The following PARD6G variants were observed in gnomAD, a reference collection of about 807,000 sequenced individuals.
The protein encoded by PARD6G is par-6 family cell polarity regulator gamma, also known as partitioning defective 6 homolog gamma.
PARD6G carries 7 observed loss-of-function variants against 10.7 expected under a neutral mutation model. The observed-to-expected ratio is 0.66, with a 90% CI of 0.37 to 1.23. The LOEUF is 1.23. PARD6G is among the 50% of genes most tolerant of loss of function. The pLI is 0.02. For synonymous variants in PARD6G, 287 were observed against 269.4 expected (o/e 1.07, Z -0.64); for missense variants, 548 against 571.8 (o/e 0.96, Z 0.42).
rs903503269 is a variant in PARD6G at position 80,180,341 on chromosome 18, G to T, written c.296-19735C>A. ...GGGCAGCGACAGCTGGGGCCGGCAGGTGAGGACACGCAGCTGGGAGGGGCG... is the reference window on the plus strand; with the variant it reads ...GGGCAGCGACAGCTGGGGCCGGCAGTTGAGGACACGCAGCTGGGAGGGGCG... On this transcript the variant is annotated intron_variant, in intron 2 of 2. Transcript: ENST00000353265. The surrounding 1 kb of genome is among the most constrained non-coding windows in gnomAD (Gnocchi z 5.6). 2.6e-5 allele frequency among the ~76,000 whole-genome samples: 4 copies of T among 152,314 alleles called. No homozygotes were observed. The highest frequency in any genetic ancestry group is 2.6e-4 in the Admixed American group (4 of 15,304).
chr18:80,199,946 AG>A (rs1206968099), intron 2 of PARD6G, among the ~76,000 whole-genome samples: 2 of 152,220 alleles, frequency 1.3e-5, no homozygotes, highest in Non-Finnish European at 2.9e-5. Flanking sequence ...TGCCTGGCTG[AG>A]CAACAGATTA....
chr18:80,173,557 G>A (rs1224927505), intron 2 of PARD6G, among the ~76,000 whole-genome samples: 3 of 152,088 alleles, frequency 2.0e-5, no homozygotes, highest in East Asian at 1.9e-4. Context: ...CCCAGGAGGC[G>A]GAGGTTGCAG....
intron 1 of PARD6G, among the ~76,000 whole-genome samples, chr18:80,207,561 CA>C: frequency 6.6e-6 from 1 of 152,300 alleles, no homozygotes; most frequent in South Asian, 2.1e-4. Context: ...GTTAATAACT[CA>C]ATCTAGAAAT....
intron 1 of PARD6G, among the ~76,000 whole-genome samples, chr18:80,213,065 T>C (rs947864078): frequency 6.6e-6 from 1 of 152,172 alleles, no homozygotes; most frequent in Non-Finnish European, 1.5e-5. Flanking sequence ...CATAGTAAAT[T>C]GGTTTTATTA....
Position 80,195,556 on chromosome 18 carries a change from T to TATATATATATATATATATACAC in PARD6G, c.295+7153_295+7154insGTGTATATATATATATATATAT, listed in dbSNP as rs1568434475. Among the ~76,000 whole-genome samples the TATATATATATATATATATACAC allele has an allele frequency of 3.0e-5, 3 of 101,314 alleles. 1 individual carries two copies. The highest frequency in any genetic ancestry group is 5.7e-5 in the Non-Finnish European group (3 of 52,934). 66.5% of individuals were successfully genotyped at this position (101,314 alleles called of 152,430 possible). On this transcript the variant is annotated intron_variant, in intron 2 of 2. Coordinates refer to ENST00000353265, the MANE Select transcript of PARD6G (RefSeq NM_032510.4). Reference sequence around the variant, plus strand: ...AAGAGTCTTCAAAGATACATATATATATATATATATATATATACACACATT... The same window carrying TATATATATATATATATATACAC: ...AAGAGTCTTCAAAGATACATATATATATATATATATATATATATACACATATATATATATATATACACACATT...
At chr18:80,234,994 T>C (rs916128287) in intron 1 of PARD6G, among the ~76,000 whole-genome samples, 1 of 152,108 alleles carries the variant, frequency 6.6e-6, no homozygotes, top group African/African-American at 2.4e-5. Flanking sequence ...AACTCAGCTC[T>C]GCACCAAGCA....
At chr18:80,174,878 C>T (rs540139166) in intron 2 of PARD6G, among the ~76,000 whole-genome samples, 127 of 152,078 alleles carry the variant, frequency 8.4e-4, no homozygotes, top group African/African-American at 1.5e-3. Flanking sequence ...GGCGTGAACC[C>T]GGGAGGCGGA....
intron 1 of PARD6G, among the ~76,000 whole-genome samples, chr18:80,237,974 T>G (rs1186000023): frequency 6.6e-6 from 1 of 152,134 alleles, no homozygotes; most frequent in Non-Finnish European, 1.5e-5. Flanking sequence ...AAATACCATT[T>G]GACCCAGCCA....
At chr18:80,223,901 C>T (rs1967258196) in intron 1 of PARD6G, among the ~76,000 whole-genome samples, 1 of 152,204 alleles carries the variant, frequency 6.6e-6, no homozygotes, top group African/African-American at 2.4e-5. Flanking sequence ...CACTGCTGGG[C>T]CTTACAGAGG....
intron 1 of PARD6G, among the ~76,000 whole-genome samples, chr18:80,233,379 C>G (rs1967381479): frequency 6.6e-6 from 1 of 152,348 alleles, no homozygotes; most frequent in East Asian, 1.9e-4. Context: ...CCTGCACTCC[C>G]TCTCATCCCT....
intron 1 of PARD6G, among the ~76,000 whole-genome samples, chr18:80,222,099 T>G (rs1308165673): frequency 6.6e-6 from 1 of 152,172 alleles, no homozygotes; most frequent in Non-Finnish European, 1.5e-5. Flanking sequence ...TTTTCTTTTT[T>G]TTTTAAATGA....
At chr18:80,215,517 TC>T (rs1416562969) in intron 1 of PARD6G, among the ~76,000 whole-genome samples, 3 of 152,134 alleles carry the variant, frequency 2.0e-5, no homozygotes, top group Non-Finnish European at 4.4e-5. Context: ...TAGAGTTATA[TC>T]GGAGCAAAAT....
chr18:80,218,386 G>A lies in PARD6G; in HGVS notation c.73-15454C>T, dbSNP rs1418405856. On this transcript the variant is annotated intron_variant, in intron 1 of 2. Coordinates refer to ENST00000353265, the MANE Select transcript of PARD6G (RefSeq NM_032510.4). Reference sequence around the variant, plus strand: ...ATTGGCCAAAACAAAAGGGCTACAGGCCCCATGCAAGTCTGAAATCTGACA... The same window carrying A: ...ATTGGCCAAAACAAAAGGGCTACAGACCCCATGCAAGTCTGAAATCTGACA... 3.3e-5 allele frequency among the ~76,000 whole-genome samples: 5 copies of A among 151,818 alleles called. No individual in the cohort carries two copies. In the East Asian group the frequency reaches 9.7e-4, roughly 29 times the overall value.
intron 2 of PARD6G, among the ~76,000 whole-genome samples, chr18:80,164,100 C>T (rs570746374): frequency 5.3e-5 from 8 of 152,290 alleles, no homozygotes; most frequent in Non-Finnish European, 1.2e-4. Context: ...GGACGGAACA[C>T]GTGTGGACAA....
chr18:80,219,169 C>A (rs184387668), intron 1 of PARD6G, among the ~76,000 whole-genome samples: 2 of 152,046 alleles, frequency 1.3e-5, no homozygotes, highest in East Asian at 1.9e-4. Flanking sequence ...ATGCAAATTT[C>A]TGCAGTAGGC....
chr18:80,203,350 A>C (rs1205552066), intron 1 of PARD6G, among the ~76,000 whole-genome samples: 7 of 152,206 alleles, frequency 4.6e-5, no homozygotes, highest in Admixed American at 2.6e-4. Context: ...CACAGAGCTC[A>C]CAGTGACTAA....
intron 2 of PARD6G, among the ~76,000 whole-genome samples, chr18:80,191,463 C>T (rs530258159): frequency 1.1e-3 from 171 of 152,260 alleles, no homozygotes; most frequent in Middle Eastern, 3.4e-3. Flanking sequence ...CTCTGAGTGC[C>T]GACCACAGCT....
At chr18:80,205,809 G>A (rs746277413) in intron 1 of PARD6G, among the ~76,000 whole-genome samples, 1 of 152,164 alleles carries the variant, frequency 6.6e-6, no homozygotes, top group Non-Finnish European at 1.5e-5. Context: ...TGTGAGAATG[G>A]ACTAATACAT....
At chr18:80,163,190 C>T (rs2052712152) in intron 2 of PARD6G, among the ~76,000 whole-genome samples, 1 of 152,306 alleles carries the variant, frequency 6.6e-6, no homozygotes, top group South Asian at 2.1e-4. Context: ...TCCACATGCT[C>T]CTCCTTGAGG....
Sources: allele counts gnomAD v4.1 joint callset (sites outside exome capture counted in the v4.1 genomes callset), GRCh38; gene constraint gnomAD v4.1.1; non-coding constraint Gnocchi (gnomAD v3.1); transcripts MANE v1.5; gene names NCBI Gene and HGNC (gene_info 2026-07-23, HGNC 2026-07-21).